Variants in LRRFIP1 observed in about 807,000 individuals in gnomAD.
The protein encoded by LRRFIP1 is LRR binding FLII interacting protein 1, also known as leucine-rich repeat flightless-interacting protein 1.
A neutral mutation model predicts 104.4 loss-of-function variants in LRRFIP1; 62 were observed. That is an observed-to-expected ratio of 0.59 (90% CI 0.48 to 0.73). The LOEUF is 0.73. LRRFIP1 is among the 30% of genes least tolerant of loss of function. LRRFIP1 has a pLI of 0.00. For missense variants in LRRFIP1, 796 were observed against 824.5 expected (o/e 0.97, Z 0.42); for synonymous variants, 300 against 299.0 (o/e 1.00, Z -0.03).
At chr2:237,652,454 G>A (rs925482318) in intron 1 of LRRFIP1, among the ~76,000 whole-genome samples, 2 of 152,196 alleles carry the variant, frequency 1.3e-5, no homozygotes, top group Admixed American at 1.3e-4. Context: ...GGATATAAAG[G>A]TTACAGCAAC....
intron 11 of LRRFIP1, among the ~76,000 whole-genome samples, chr2:237,746,907 AAG>A (rs1192436012): frequency 1.3e-5 from 2 of 152,228 alleles, no homozygotes; most frequent in African/African-American, 4.8e-5. Context: ...TTATTTAGCA[AAG>A]AGGGGAGAGA....
At chr2:237,695,837 A>G (rs2093144880) in intron 1 of LRRFIP1, among the ~76,000 whole-genome samples, 1 of 152,172 alleles carries the variant, frequency 6.6e-6, no homozygotes, top group African/African-American at 2.4e-5. Context: ...ACCTAGATAA[A>G]ATTAAGTAAA....
chr2:237,719,940 CT>C (rs57355213), intron 5 of LRRFIP1, among the ~76,000 whole-genome samples: 3,009 of 103,858 alleles, frequency 0.029, 7 homozygotes, highest in Non-Finnish European at 0.037. Context: ...GATGAAATTA[CT>C]TTTTTTTTTT....
intron 1 of LRRFIP1, among the ~76,000 whole-genome samples, chr2:237,647,083 T>C (rs1426135030): frequency 6.6e-6 from 1 of 152,030 alleles, no homozygotes; most frequent in Non-Finnish European, 1.5e-5. Flanking sequence ...ATCCTCTGCT[T>C]CCTTTTTCCT....
At chr2:237,695,050 G>C (rs895869449) in intron 1 of LRRFIP1, among the ~76,000 whole-genome samples, 11 of 152,180 alleles carry the variant, frequency 7.2e-5, no homozygotes, top group Non-Finnish European at 1.2e-4. Flanking sequence ...CAGTTGGCAC[G>C]AGGCGGGCTG....
At chr2:237,692,126 G>A (rs570507136) in intron 1 of LRRFIP1, 1 of 806,646 alleles carries the variant, frequency 1.2e-6, no homozygotes, top group Non-Finnish European at 1.4e-6. Flanking sequence ...AGCCGGGAGG[G>A]CCCCTCCGAG....
chr2:237,631,898 G>A (rs530117705), intron 1 of LRRFIP1, among the ~76,000 whole-genome samples: 32 of 152,340 alleles, frequency 2.1e-4, no homozygotes, highest in Non-Finnish European at 2.8e-4. Context: ...CCAGCAGGAC[G>A]GAGGCCCTCC....
chr2:237,752,007 A>G (rs1446553683), intron 14 of LRRFIP1, among the ~76,000 whole-genome samples: 2 of 152,218 alleles, frequency 1.3e-5, no homozygotes, highest in African/African-American at 4.8e-5. Flanking sequence ...ATCAAAGGGC[A>G]CCAGACAGAG....
At chr2:237,631,910 C>G (rs1430355885) in intron 1 of LRRFIP1, among the ~76,000 whole-genome samples, 1 of 152,244 alleles carries the variant, frequency 6.6e-6, no homozygotes, top group Non-Finnish European at 1.5e-5. Flanking sequence ...AGGCCCTCCC[C>G]CCATAACTGT....
intron 18 of LRRFIP1, 55 bp from the exon 19 acceptor site, chr2:237,760,009 A>G: frequency 6.6e-7 from 1 of 1,523,350 alleles, no homozygotes; most frequent in Admixed American, 1.8e-5. Flanking sequence ...ATTAAAACAG[A>G]GTTTAACCTA....
intron 1 of LRRFIP1, among the ~76,000 whole-genome samples, chr2:237,678,231 T>A (rs2091390772): frequency 6.6e-6 from 1 of 152,176 alleles, no homozygotes; most frequent in African/African-American, 2.4e-5. Context: ...TTCAGGCCTC[T>A]TGTTCTAGAA....
intron 11 of LRRFIP1, among the ~76,000 whole-genome samples, chr2:237,739,717 TC>T (rs2095357841): frequency 6.6e-6 from 1 of 152,122 alleles, no homozygotes; most frequent in African/African-American, 2.4e-5. Flanking sequence ...GGTTCTCAGA[TC>T]CTTCGAAATG....
rs2060695111 is a variant in LRRFIP1, at chr2:237,772,101, G to A, written c.1530G>A (p.Gln510=). 6.2e-7 allele frequency: 1 copy of A among 1,613,476 alleles called. No individual in the cohort carries two copies. The highest frequency in any genetic ancestry group is 1.7e-5 in the Admixed American group (1 of 59,980). ...LLEQIKKLKG[Q]LEERQKIGKL... ...TTCAGATTAAGAAACTCAAAGGGCAGCTGGAGGAGAGACAGAAGATTGGCA... is the reference window on the plus strand; with the variant it reads ...TTCAGATTAAGAAACTCAAAGGGCAACTGGAGGAGAGACAGAAGATTGGCA... Residue 510 remains glutamine, a synonymous_variant, in exon 21 of 24, where the codon CAG becomes CAA. Transcript: ENST00000308482.
intron 6 of LRRFIP1, 105 bp downstream of exon 6, chr2:237,720,927 G>A (rs958401658): frequency 1.0e-6 from 1 of 984,456 alleles, no homozygotes; most frequent in Non-Finnish European, 1.6e-6. Flanking sequence ...CCCGTGGTCT[G>A]ATAGTCAATA....
rs758358033 is a variant in LRRFIP1 at position 237,772,107 on chromosome 2, G to A, written c.1536G>A (p.Glu512=). 6.2e-7 allele frequency: 1 copy of A among 1,613,660 alleles called. No homozygotes were observed. The highest frequency in any genetic ancestry group is 1.3e-5 in the African/African-American group (1 of 74,900). The change falls in exon 21 of 24, where the codon GAG becomes GAA. Residue 512 remains glutamate, a synonymous_variant. Coordinates refer to ENST00000308482, the MANE Select transcript of LRRFIP1 (RefSeq NM_001137550.2). Reference sequence around the variant, plus strand: ...TTAAGAAACTCAAAGGGCAGCTGGAGGAGAGACAGAAGATTGGCAAACTAG... The same window carrying A: ...TTAAGAAACTCAAAGGGCAGCTGGAAGAGAGACAGAAGATTGGCAAACTAG... ...EQIKKLKGQL[E]ERQKIGKLDN...
At chr2:237,702,843 C>G (rs992561000) in intron 1 of LRRFIP1, among the ~76,000 whole-genome samples, 1 of 152,114 alleles carries the variant, frequency 6.6e-6, no homozygotes, top group African/African-American at 2.4e-5. Context: ...GTTTAAAGAG[C>G]CCTGTGCCCC....
chr2:237,668,107 C>G (rs1043492456), intron 1 of LRRFIP1, among the ~76,000 whole-genome samples: 4 of 152,168 alleles, frequency 2.6e-5, no homozygotes, highest in Non-Finnish European at 4.4e-5. Flanking sequence ...CTCATCCCCC[C>G]ACCTCAGAGC....
intron 1 of LRRFIP1, among the ~76,000 whole-genome samples, chr2:237,670,624 C>T (rs2090183134): frequency 6.6e-6 from 1 of 152,210 alleles, no homozygotes; most frequent in African/African-American, 2.4e-5. Flanking sequence ...AAGTGCCCAA[C>T]ACAGCGCCTG....
At chr2:237,749,121 G>T (rs1267171665) in intron 12 of LRRFIP1, 78 bp from the exon 13 acceptor site, 2 of 1,471,642 alleles carry the variant, frequency 1.4e-6, no homozygotes, top group East Asian at 2.4e-5. Flanking sequence ...GGGATTATGG[G>T]GATTACAATT....
Sources: gnomAD v4.1 joint callset for allele counts (sites outside exome capture counted in the v4.1 genomes callset) on GRCh38, gnomAD v4.1.1 for gene constraint, MANE v1.5 for transcripts, NCBI Gene and HGNC (gene_info 2026-07-23, HGNC 2026-07-21) for gene names.